TAMM41: variants seen among roughly 807,000 people sequenced by gnomAD.
TAMM41 encodes the protein phosphatidate cytidylyltransferase, mitochondrial.
TAMM41 carries 36 observed loss-of-function variants against 44.1 expected under a neutral mutation model. The observed-to-expected ratio is 0.82, with a 90% CI of 0.63 to 1.08. The LOEUF is 1.08. TAMM41 is among the 50% of genes least tolerant of loss of function. The pLI is 0.00. For missense variants in TAMM41, 417 were observed against 404.3 expected, an observed-to-expected ratio of 1.03 and a Z score of -0.27; for synonymous variants, 164 against 153.1, an observed-to-expected ratio of 1.07 and a Z score of -0.53.
chr3:11,817,448 C>T, intron 4 of TAMM41, 111 bp from the exon 5 acceptor site: 1 of 1,102,376 alleles, frequency 9.1e-7, no homozygotes, highest in South Asian at 2.3e-5. Flanking sequence ...CAGGATCCCT[C>T]ATCAGAACAC....
chr3:11,751,605 A>G, the TAMM41 span, among the ~76,000 whole-genome samples: 1 of 152,160 alleles, frequency 6.6e-6, no homozygotes, highest in African/African-American at 2.4e-5. Flanking sequence ...TTGGCAGAAG[A>G]CAGGGCCAAC....
chr3:11,845,429 G>A lies in TAMM41; in HGVS notation c.135+1073C>T, dbSNP rs188489739. Among the ~76,000 whole-genome samples the A allele has an allele frequency of 1.9e-3, 297 of 152,308 alleles. 1 individual carries two copies. The highest frequency in any genetic ancestry group is 6.8e-3 in the African/African-American group (284 of 41,556). ...TATTCAAAGGAAAACCTCCATGGAA[G>A]AATGAAGAGGTGGCCATCAGGAGGC... On this transcript the variant is annotated intron_variant, in intron 1 of 7. Transcript: ENST00000455809.
downstream of TAMM41, among the ~76,000 whole-genome samples, chr3:11,789,394 G>GAC (rs2077436877): frequency 6.6e-6 from 1 of 152,196 alleles, no homozygotes; most frequent in African/African-American, 2.4e-5. Flanking sequence ...GTGGGACAAA[G>GAC]ACGATTTGCA....
the TAMM41 span, among the ~76,000 whole-genome samples, chr3:11,727,172 A>G: frequency 2.0e-5 from 3 of 152,190 alleles, no homozygotes; most frequent in African/African-American, 7.2e-5. Flanking sequence ...TTATGCACAC[A>G]AAGAAACTGA....
intron 7 of TAMM41, among the ~76,000 whole-genome samples, chr3:11,793,466 C>A (rs1315984430): frequency 1.5e-4 from 23 of 152,188 alleles, no homozygotes; most frequent in Admixed American, 1.5e-3. Flanking sequence ...CATGCTTTAT[C>A]ATCCAGGTAT....
At chr3:11,756,000 A>G in the TAMM41 span, among the ~76,000 whole-genome samples, 38 of 152,262 alleles carry the variant, frequency 2.5e-4, no homozygotes, top group African/African-American at 8.4e-4. Context: ...GCTTTCCTCT[A>G]CACTCCCTGG....
In TAMM41 at chr3:11,790,585, A is replaced by C; in HGVS notation, c.938-4T>G. ...TAAATCACTGACTTCTTCAGGCCTA[A>C]AAGAGAAAAGATGAGAAAGTAAGAA... On this transcript the variant is annotated splice_polypyrimidine_tract_variant and splice_region_variant and intron_variant, in intron 7 of 7. Coordinates refer to ENST00000455809, the MANE Select transcript of TAMM41 (RefSeq NM_001284401.2). The C allele has an allele frequency of 6.2e-7, 1 of 1,611,946 alleles. No individual in the cohort carries two copies. The highest frequency in any genetic ancestry group is 8.5e-7 in the Non-Finnish European group (1 of 1,178,560).
At chr3:11,816,715 G>T (rs1366991615) in intron 5 of TAMM41, among the ~76,000 whole-genome samples, 2 of 151,986 alleles carry the variant, frequency 1.3e-5, no homozygotes, top group African/African-American at 4.8e-5. Flanking sequence ...TGAGGCTGCA[G>T]TAAGCCGAGA....
At chr3:11,827,926 C>T (rs2078825428) in intron 4 of TAMM41, among the ~76,000 whole-genome samples, 1 of 152,174 alleles carries the variant, frequency 6.6e-6, no homozygotes, top group Non-Finnish European at 1.5e-5. Flanking sequence ...TTTTCTGTTC[C>T]TTCTCCTGCC....
chr3:11,726,784 C>T, the TAMM41 span, among the ~76,000 whole-genome samples: 1 of 142,542 alleles, frequency 7.0e-6, no homozygotes, highest in Non-Finnish European at 1.5e-5. Flanking sequence ...GCCTGGCAGC[C>T]TGGGCGACTC....
chr3:11,795,045 A>T (rs2077572048), intron 7 of TAMM41, among the ~76,000 whole-genome samples: 1 of 152,196 alleles, frequency 6.6e-6, no homozygotes, highest in African/African-American at 2.4e-5. Context: ...CAAATGGAAG[A>T]AATGCTTCAG....
At chr3:11,829,282 G>A (rs2125028813) in intron 4 of TAMM41, among the ~76,000 whole-genome samples, 1 of 152,180 alleles carries the variant, frequency 6.6e-6, no homozygotes, top group East Asian at 1.9e-4. Flanking sequence ...AACTGTCTGG[G>A]GTAGGGCCCA....
the TAMM41 span, among the ~76,000 whole-genome samples, chr3:11,779,408 T>C: frequency 5.3e-5 from 8 of 152,144 alleles, no homozygotes; most frequent in Admixed American, 2.6e-4. Flanking sequence ...CCAGTGAGAA[T>C]GGTAAAGCTT....
At chr3:11,845,176 G>C (rs56992230) in intron 1 of TAMM41, 4,824 of 358,268 alleles carry the variant, frequency 0.013, 70 homozygotes, top group African/African-American at 0.037. Flanking sequence ...TTTTCCTGCA[G>C]AAGAGCTGAC....
the TAMM41 span, among the ~76,000 whole-genome samples, chr3:11,739,268 G>T: frequency 6.6e-6 from 1 of 152,096 alleles, no homozygotes; most frequent in Non-Finnish European, 1.5e-5. Context: ...TAGATGATAA[G>T]GTCCTCGTGT....
At chr3:11,752,669 G>T in the TAMM41 span, among the ~76,000 whole-genome samples, 2 of 79,986 alleles carry the variant, frequency 2.5e-5, no homozygotes, top group African/African-American at 4.6e-5. Context: ...ACAGGGTCTT[G>T]CTCTCTATCA....
chr3:11,808,064 G>C (rs1559279607), intron 6 of TAMM41, 169 bp from the exon 7 acceptor site: 1 of 1,321,446 alleles, frequency 7.6e-7, no homozygotes, highest in Non-Finnish European at 1.0e-6. Flanking sequence ...GTGGGATTGA[G>C]GGCCAGGAGA....
chr3:11,790,610 A>C, intron 7 of TAMM41, 29 bp from the exon 8 acceptor site: 1 of 1,581,878 alleles, frequency 6.3e-7, no homozygotes, highest in South Asian at 1.1e-5. Flanking sequence ...GAAAGTAAGA[A>C]GATGGAGGCT....
At chr3:11,774,158 AT>A in the TAMM41 span, among the ~76,000 whole-genome samples, 1 of 152,150 alleles carries the variant, frequency 6.6e-6, no homozygotes, top group African/African-American at 2.4e-5. Context: ...GGAAGCTATA[AT>A]TTCCAGGTGT....
Sources: gnomAD v4.1 joint callset for allele counts (sites outside exome capture counted in the v4.1 genomes callset) on GRCh38, gnomAD v4.1.1 for gene constraint, MANE v1.5 for transcripts, NCBI Gene and HGNC (gene_info 2026-07-23, HGNC 2026-07-21) for gene names.